SPP2: variants seen among roughly 807,000 people sequenced by gnomAD.
SPP2 encodes the protein secreted phosphoprotein 24.
A neutral mutation model predicts 28.8 loss-of-function variants in SPP2; 34 were observed. The ratio of observed to expected loss-of-function variants is 1.18; its 90% CI spans 0.90 to 1.57. The LOEUF (loss-of-function observed/expected upper bound fraction) is 1.57. Among genes scored for constraint, SPP2 ranks in the 40% most tolerant of loss-of-function variants. SPP2 has a pLI of 0.00. For synonymous variants in SPP2, 96 were observed against 89.4 expected (o/e 1.07, Z -0.42); for missense variants, 269 against 263.9 (o/e 1.02, Z -0.13).
At chr2:234,053,959 A>T (rs748099902) in intron 2 of SPP2, among the ~76,000 whole-genome samples, 1 of 152,166 alleles carries the variant, frequency 6.6e-6, no homozygotes, top group African/African-American at 2.4e-5. Flanking sequence ...GAAGAGGAAG[A>T]GGACACAGTT....
At chr2:234,051,794 G>A (rs765158413) in intron 2 of SPP2, among the ~76,000 whole-genome samples, 7 of 152,256 alleles carry the variant, frequency 4.6e-5, no homozygotes, top group Middle Eastern at 6.8e-3. Context: ...CTATAAAGTT[G>A]CACATCTTAG....
At chr2:234,058,486 T>C (rs187545283) in intron 2 of SPP2, among the ~76,000 whole-genome samples, 33 of 152,346 alleles carry the variant, frequency 2.2e-4, no homozygotes, top group Admixed American at 7.2e-4. Flanking sequence ...GTATTGATTT[T>C]GGGGTTACAA....
intron 2 of SPP2, among the ~76,000 whole-genome samples, chr2:234,057,004 T>G (rs573448136): frequency 6.6e-6 from 1 of 152,080 alleles, no homozygotes; most frequent in Non-Finnish European, 1.5e-5. Context: ...CTCTCCTCCC[T>G]GGGCAGTACG....
chr2:234,068,064 G>A (rs898352599), intron 6 of SPP2, among the ~76,000 whole-genome samples: 3 of 152,020 alleles, frequency 2.0e-5, no homozygotes, highest in African/African-American at 7.2e-5. Context: ...CTCACCAAAT[G>A]GATGAAACAA....
rs759385763 is a variant in SPP2, at chr2:234,060,344, G to A, written c.334-25G>A. 5.2e-6 allele frequency: 8 copies of A among 1,546,890 alleles called. No individual in the cohort carries two copies. In the African/African-American group the frequency reaches 6.8e-5, roughly 13 times the overall value. On this transcript the variant is annotated intron_variant, in intron 3 of 7. Coordinates refer to ENST00000168148, the MANE Select transcript of SPP2 (RefSeq NM_006944.3). ...CCCTTTCCACAAACAGCTGAAGAGA[G>A]AACTCACCCCTTTGTCTTTTCCAGT...
At chr2:234,071,769 T>A (rs1189841484) in intron 7 of SPP2, among the ~76,000 whole-genome samples, 1 of 152,242 alleles carries the variant, frequency 6.6e-6, no homozygotes, top group South Asian at 2.1e-4. Flanking sequence ...ACTGAGGTAC[T>A]TGCAGCTCCT....
At chr2:234,060,110 G>A (rs1440591110) in intron 3 of SPP2, among the ~76,000 whole-genome samples, 2 of 152,182 alleles carry the variant, frequency 1.3e-5, no homozygotes, top group African/African-American at 4.8e-5. Context: ...ACTCAGGGCA[G>A]CCCAGTTAGC....
At chr2:234,073,639 A>C (rs539369991) in intron 7 of SPP2, among the ~76,000 whole-genome samples, 1 of 152,288 alleles carries the variant, frequency 6.6e-6, no homozygotes, top group Middle Eastern at 3.4e-3. Context: ...ATGTTGAAAA[A>C]ATCTCTTTGA....
At chr2:234,066,280 G>C (rs1693816518) in intron 4 of SPP2, among the ~76,000 whole-genome samples, 1 of 152,190 alleles carries the variant, frequency 6.6e-6, no homozygotes, top group South Asian at 2.1e-4. Flanking sequence ...CAATGTTTGG[G>C]AGTACATTCT....
chr2:234,065,070 A>G (rs1045343511), intron 4 of SPP2, among the ~76,000 whole-genome samples: 4 of 152,236 alleles, frequency 2.6e-5, no homozygotes, highest in African/African-American at 9.6e-5. Flanking sequence ...TTCCTGGATC[A>G]TATAGTAACT....
intron 2 of SPP2, among the ~76,000 whole-genome samples, chr2:234,051,812 G>C (rs1173526657): frequency 6.6e-6 from 1 of 152,142 alleles, no homozygotes; most frequent in Non-Finnish European, 1.5e-5. Context: ...TAGGAATGAA[G>C]GCTCTGTATA....
chr2:234,052,014 C>T (rs1693507759), intron 2 of SPP2, among the ~76,000 whole-genome samples: 1 of 152,216 alleles, frequency 6.6e-6, no homozygotes, highest in Non-Finnish European at 1.5e-5. Flanking sequence ...CCAAATACAA[C>T]ATATTCAGCT....
chr2:234,067,221 C>G lies in SPP2; in HGVS notation c.500-3C>G. The G allele has an allele frequency of 6.2e-7, 1 of 1,613,164 alleles. No homozygotes were observed. Among genetic ancestry groups the G allele is most frequent in the Non-Finnish European group, 8.5e-7 (1 of 1,179,210 alleles). ...TTGTCTTATGATTATTACTGTGTTA[C>G]AGGTCTCATTTCAGACGAGTCCATA... On this transcript the variant is annotated splice_region_variant and splice_polypyrimidine_tract_variant and intron_variant, in intron 5 of 7. Transcript: ENST00000168148.
At chr2:234,052,315 G>A (rs973663150) in intron 2 of SPP2, among the ~76,000 whole-genome samples, 5 of 152,100 alleles carry the variant, frequency 3.3e-5, no homozygotes, top group Admixed American at 6.5e-5. Context: ...GTTTCCATTG[G>A]CATTTAATGA....
intron 2 of SPP2, among the ~76,000 whole-genome samples, chr2:234,052,731 C>T (rs1457902903): frequency 6.6e-6 from 1 of 152,208 alleles, no homozygotes; most frequent in Non-Finnish European, 1.5e-5. Flanking sequence ...CCTCTCCCTG[C>T]CTTTTCTGAT....
rs541421017 is a variant in SPP2 at position 234,060,474 on chromosome 2, G to C, written c.439G>C (p.Glu147Gln). 3.7e-6 allele frequency: 6 copies of C among 1,612,926 alleles called. No homozygotes were observed. The South Asian group carries it at 6.6e-5, about 18-fold the overall frequency. The change falls in exon 4 of 8, where the codon GAA (glutamate) becomes CAA (glutamine). Residue 147 changes from glutamate to glutamine, a missense_variant. Coordinates refer to ENST00000168148, the MANE Select transcript of SPP2 (RefSeq NM_006944.3). Reference sequence around the variant, plus strand: ...CTCCACGTCTGAGTCTTACAGCAGCGAAGAGGTATGACTGGGGCCTTGTCT... The same window carrying C: ...CTCCACGTCTGAGTCTTACAGCAGCCAAGAGGTATGACTGGGGCCTTGTCT... Reference protein sequence around the residue: ...SSSTSESYSSEEMIFGDMLGS... With the variant: ...SSSTSESYSSQEMIFGDMLGS...
At chr2:234,058,727 A>G (rs11563123) in intron 2 of SPP2, 109 bp from the exon 3 acceptor site, 1 of 1,274,810 alleles carries the variant, frequency 7.8e-7, no homozygotes, top group Non-Finnish European at 1.1e-6. Flanking sequence ...TATTGCTTTC[A>G]TGGTGGACAA....
At chr2:234,071,853 A>G (rs538444630) in intron 7 of SPP2, among the ~76,000 whole-genome samples, 10 of 152,158 alleles carry the variant, frequency 6.6e-5, no homozygotes, top group Non-Finnish European at 1.3e-4. Context: ...CTCAGTTGTC[A>G]CTTCCCTTTG....
intron 6 of SPP2, among the ~76,000 whole-genome samples, chr2:234,067,956 A>C (rs1559177491): frequency 6.6e-6 from 1 of 152,122 alleles, no homozygotes; most frequent in Non-Finnish European, 1.5e-5. Flanking sequence ...TTTTATGGGT[A>C]CATAGGAGGT....
Sources: allele counts gnomAD v4.1 joint callset (sites outside exome capture counted in the v4.1 genomes callset), GRCh38; gene constraint gnomAD v4.1.1; transcripts MANE v1.5; gene names NCBI Gene and HGNC (gene_info 2026-07-23, HGNC 2026-07-21).